Variants in PDE4B observed in about 807,000 individuals in gnomAD.
PDE4B encodes the protein phosphodiesterase 4B.
Under a neutral mutation model 82.2 loss-of-function variants are expected in PDE4B, and 20 were observed. That is an observed-to-expected ratio of 0.24 (90% CI 0.17 to 0.35). The LOEUF (loss-of-function observed/expected upper bound fraction) is 0.35, where lower values mean the gene tolerates loss of function less well. PDE4B is among the 10% of genes least tolerant of loss of function. PDE4B has a pLI of 1.00. For synonymous variants in PDE4B, 320 were observed against 318.9 expected (o/e 1.00, Z -0.04); for missense variants, 655 against 907.2 (o/e 0.72, Z 3.57).
At chr1:66,214,864 A>G (rs1650328818) in intron 3 of PDE4B, among the ~76,000 whole-genome samples, 1 of 152,196 alleles carries the variant, frequency 6.6e-6, no homozygotes, top group Non-Finnish European at 1.5e-5. Flanking sequence ...GACAAACTAA[A>G]TAAAACTGAA....
chr1:66,299,388 T>G (rs1657729674), intron 7 of PDE4B, among the ~76,000 whole-genome samples: 1 of 152,186 alleles, frequency 6.6e-6, no homozygotes, highest in African/African-American at 2.4e-5. Context: ...TTGCTGCAAA[T>G]GACAGAATTT....
At chr1:66,147,702 C>A (rs1392657154) in intron 3 of PDE4B, among the ~76,000 whole-genome samples, 1 of 152,120 alleles carries the variant, frequency 6.6e-6, no homozygotes, top group Admixed American at 6.5e-5. Flanking sequence ...TCCAGTGGGG[C>A]GTTTCTTAGC....
chr1:65,996,234 C>T (rs1651534398), intron 3 of PDE4B, among the ~76,000 whole-genome samples: 1 of 152,034 alleles, frequency 6.6e-6, no homozygotes, highest in Non-Finnish European at 1.5e-5. Flanking sequence ...TTTTAAGACT[C>T]TAGAGAAAAT....
At chr1:66,160,617 GT>G (rs927039885) in intron 3 of PDE4B, among the ~76,000 whole-genome samples, 3 of 151,100 alleles carry the variant, frequency 2.0e-5, no homozygotes, top group Admixed American at 6.6e-5. Context: ...CAATCTATTT[GT>G]TTTTTTTTAA....
intron 3 of PDE4B, among the ~76,000 whole-genome samples, chr1:66,202,902 G>T (rs1649140435): frequency 6.6e-6 from 1 of 151,248 alleles, no homozygotes; most frequent in Non-Finnish European, 1.5e-5. Context: ...GATGTTAGCT[G>T]GTTATTTTGC....
chr1:65,984,225 C>T (rs963293019), intron 3 of PDE4B, among the ~76,000 whole-genome samples: 1 of 152,184 alleles, frequency 6.6e-6, no homozygotes, highest in East Asian at 1.9e-4. Flanking sequence ...AAAACTTGAT[C>T]TTAGCAGTTT....
chr1:66,039,126 GTTAT>G (rs141064786), intron 3 of PDE4B, among the ~76,000 whole-genome samples: 1,694 of 152,066 alleles, frequency 0.011, 36 homozygotes, highest in African/African-American at 0.039. Context: ...TTGGAGAGTT[GTTAT>G]TTATTTTTTA....
At chr1:65,849,299 T>G (rs750625359) in intron 1 of PDE4B, among the ~76,000 whole-genome samples, 1 of 152,124 alleles carries the variant, frequency 6.6e-6, no homozygotes, top group Non-Finnish European at 1.5e-5. Context: ...GGTGCCTTAC[T>G]TGTCACACTC....
chr1:65,842,776 T>G (rs984864982), intron 1 of PDE4B, among the ~76,000 whole-genome samples: 1 of 152,192 alleles, frequency 6.6e-6, no homozygotes, highest in Non-Finnish European at 1.5e-5. Flanking sequence ...AGTCATCATA[T>G]ACATGCGTGT....
intron 3 of PDE4B, among the ~76,000 whole-genome samples, chr1:66,228,189 A>G (rs1651610907): frequency 6.6e-6 from 1 of 152,088 alleles, no homozygotes; most frequent in Admixed American, 6.5e-5. Context: ...TCAAAATTAA[A>G]TCTCTCCTGG....
chr1:65,992,900 A>T lies in PDE4B; in HGVS notation c.281+74065A>T, dbSNP rs780843915. Reference sequence around the variant, plus strand: ...TGGATGGTGAAAGCTAGCACTCCTTACAAGACATGACAGCAAAAGATTCTT... The same window carrying T: ...TGGATGGTGAAAGCTAGCACTCCTTTCAAGACATGACAGCAAAAGATTCTT... On this transcript the variant is annotated intron_variant, in intron 3 of 16. Transcript: ENST00000341517. 8.1e-6 allele frequency: 13 copies of T among 1,612,978 alleles called. No individual in the cohort carries two copies. In the South Asian group the frequency reaches 1.2e-4, roughly 15 times the overall value.
At chr1:66,159,245 CTT>C (rs34101261) in intron 3 of PDE4B, among the ~76,000 whole-genome samples, 8 of 139,764 alleles carry the variant, frequency 5.7e-5, no homozygotes, top group Non-Finnish European at 7.8e-5. Context: ...TAAAATAAAA[CTT>C]TTTTTTTTTT....
intron 1 of PDE4B, among the ~76,000 whole-genome samples, chr1:65,887,402 TC>T: frequency 2.5e-5 from 2 of 79,260 alleles, no homozygotes; most frequent in Non-Finnish European, 4.6e-5. Flanking sequence ...TCTTTCTTTT[TC>T]TTTTTCTTCT....
intron 3 of PDE4B, among the ~76,000 whole-genome samples, chr1:66,019,584 G>A (rs1489160189): frequency 6.6e-6 from 1 of 151,940 alleles, no homozygotes; most frequent in Non-Finnish European, 1.5e-5. Context: ...TTGATCTCCT[G>A]ACCTTGTGAT....
chr1:66,278,960 GTC>G (rs925762577), intron 7 of PDE4B, among the ~76,000 whole-genome samples: 9 of 152,202 alleles, frequency 5.9e-5, no homozygotes, highest in Middle Eastern at 3.4e-3. Context: ...AACACAATGG[GTC>G]TCTGTTCTCA....
intron 2 of PDE4B, among the ~76,000 whole-genome samples, chr1:65,915,651 T>C (rs575000591): frequency 6.6e-6 from 1 of 152,270 alleles, no homozygotes; most frequent in Admixed American, 6.5e-5. Flanking sequence ...CTTGGTTGGT[T>C]TCGATATGGG....
chr1:66,139,247 G>A (rs1646119675), intron 3 of PDE4B, among the ~76,000 whole-genome samples: 1 of 152,170 alleles, frequency 6.6e-6, no homozygotes, highest in East Asian at 1.9e-4. Context: ...GAGGTTCTAA[G>A]GATGAAGTTG....
chr1:66,041,373 T>C (rs921016058), intron 3 of PDE4B, among the ~76,000 whole-genome samples: 11 of 151,992 alleles, frequency 7.2e-5, no homozygotes, highest in African/African-American at 2.7e-4. Flanking sequence ...TGATGTTAGT[T>C]TGTTCCACAT....
At chr1:66,368,706 C>A (rs938879971) in intron 15 of PDE4B, 81 bp from the exon 16 acceptor site, 7 of 1,059,538 alleles carry the variant, frequency 6.6e-6, no homozygotes, top group Non-Finnish European at 9.2e-6. Context: ...TAGTACCAAG[C>A]GTACTAGTAT....
Sources: allele counts gnomAD v4.1 joint callset (sites outside exome capture counted in the v4.1 genomes callset), GRCh38; gene constraint gnomAD v4.1.1; transcripts MANE v1.5; gene names NCBI Gene and HGNC (gene_info 2026-07-23, HGNC 2026-07-21).